Variants in DLC1 observed in about 807,000 individuals in gnomAD.
DLC1 encodes the protein DLC1 Rho GTPase activating protein.
In DLC1, 54 loss-of-function variants were observed where a neutral mutation model predicts 140.3. The observed-to-expected ratio is 0.38, with a 90% CI of 0.31 to 0.48. The LOEUF (loss-of-function observed/expected upper bound fraction) is 0.48. DLC1 is among the 20% of genes least tolerant of loss of function. The pLI is 0.96. For synonymous variants in DLC1, 986 were observed against 728.1 expected, an observed-to-expected ratio of 1.35 and a Z score of -5.70; for missense variants, 2,536 against 1,907.0, an observed-to-expected ratio of 1.33 and a Z score of -6.14.
At chr8:13,347,809 C>T (rs1015177353) in intron 4 of DLC1, among the ~76,000 whole-genome samples, 7 of 152,150 alleles carry the variant, frequency 4.6e-5, no homozygotes, top group Non-Finnish European at 2.9e-5. Flanking sequence ...GGCCCTTAAT[C>T]TTCCAGGGAA....
At chr8:13,156,128 G>A (rs906749704) in intron 5 of DLC1, among the ~76,000 whole-genome samples, 2 of 152,108 alleles carry the variant, frequency 1.3e-5, no homozygotes, top group Admixed American at 6.6e-5. Flanking sequence ...CAGTATTCAA[G>A]ATTAATAATC....
rs552500356 is a variant in DLC1, at chr8:13,371,852, A to G, written c.1314+21701T>C. Among the ~76,000 whole-genome samples, 6 of 152,252 alleles carry G rather than the reference A, an allele frequency of 3.9e-5. No individual in the cohort carries two copies. In the East Asian group the frequency reaches 1.2e-3, roughly 29 times the overall value. On this transcript the variant is annotated intron_variant, in intron 4 of 17. Coordinates refer to ENST00000276297, the MANE Select transcript of DLC1 (RefSeq NM_182643.3). ...GCACAATGCATGGCACACAGTAGGC[A>G]CTCACTCAATAATTATTGAATGAGT...
intron 14 of DLC1, 91 bp from the exon 15 acceptor site, chr8:13,090,561 G>C (rs1226797440): frequency 3.4e-6 from 5 of 1,459,300 alleles, no homozygotes; most frequent in African/African-American, 2.8e-5. Flanking sequence ...AGGAACAATG[G>C]CCTGGTCCTT....
chr8:13,105,468 A>T (rs372362358), intron 7 of DLC1, among the ~76,000 whole-genome samples: 3 of 152,102 alleles, frequency 2.0e-5, no homozygotes, highest in African/African-American at 7.3e-5. Context: ...AGATATTATG[A>T]TTAACCTAGA....
intron 5 of DLC1, among the ~76,000 whole-genome samples, chr8:13,188,536 C>A (rs1826523724): frequency 6.8e-6 from 1 of 146,266 alleles, no homozygotes; most frequent in South Asian, 2.2e-4. Flanking sequence ...ATTTCTTAGG[C>A]TGGATGGTGA....
At chr8:13,277,098 A>G (rs1039299571) in intron 5 of DLC1, among the ~76,000 whole-genome samples, 4 of 152,110 alleles carry the variant, frequency 2.6e-5, no homozygotes, top group African/African-American at 9.7e-5. Context: ...AGGCTGGAGG[A>G]TCACTTGAGG....
At position 13,084,363 on chromosome 8, in the gene DLC1, TAAC is replaced by T. The variant is rs943626024; in HGVS notation, c.*1445_*1447del. 3 of 152,554 alleles carry T rather than the reference TAAC, an allele frequency of 2.0e-5. No homozygotes were observed. Among genetic ancestry groups the T allele is most frequent in the Admixed American group, 1.3e-4 (2 of 15,272 alleles). 9.5% of individuals were successfully genotyped at this position (152,554 alleles called of 1,614,324 possible). ...AACACTGAAAATGGTAACTAAATTA[TAAC>T]AAAATAAAAATCCTTCTTACAGCTC... On this transcript the variant is annotated 3_prime_UTR_variant, in exon 18 of 18. Transcript: ENST00000276297.
At chr8:13,308,647 T>C (rs375844378) in intron 4 of DLC1, among the ~76,000 whole-genome samples, 1 of 152,228 alleles carries the variant, frequency 6.6e-6, no homozygotes, top group South Asian at 2.1e-4. Context: ...AGCAAAGTTT[T>C]CTTCTTTGTG....
intron 4 of DLC1, among the ~76,000 whole-genome samples, chr8:13,366,844 A>C (rs1296992167): frequency 6.6e-6 from 1 of 151,974 alleles, no homozygotes; most frequent in East Asian, 1.9e-4. Flanking sequence ...CTTTCCCATC[A>C]GTCATTCTCC....
intron 2 of DLC1, among the ~76,000 whole-genome samples, chr8:13,490,053 C>G (rs539440255): frequency 6.6e-6 from 1 of 150,838 alleles, no homozygotes; most frequent in African/African-American, 2.4e-5. Context: ...TTAAATACAC[C>G]CCCCACTTTA....
Position 13,310,398 on chromosome 8 carries a change from A to G in DLC1, c.1315-5096T>C, listed in dbSNP as rs146509098. ...TAAAACATTCACTTTTCTTCCCACA[A>G]AAATTTGTTCCACAAAAAAAAATTG... On this transcript the variant is annotated intron_variant, in intron 4 of 17. Transcript: ENST00000276297. Among the ~76,000 whole-genome samples the G allele has an allele frequency of 9.2e-4, 140 of 152,368 alleles. 3 individuals carry two copies. The East Asian group carries it at 0.024, about 27-fold the overall frequency.
At chr8:13,188,080 A>ATTTTTT (rs34182663) in intron 5 of DLC1, among the ~76,000 whole-genome samples, 1 of 119,172 alleles carries the variant, frequency 8.4e-6, no homozygotes. Context: ...AACAGTGGCA[A>ATTTTTT]TTTTTTTTTT....
chr8:13,411,378 G>A (rs1384493403), intron 2 of DLC1, among the ~76,000 whole-genome samples: 1 of 152,298 alleles, frequency 6.6e-6, no homozygotes, highest in Non-Finnish European at 1.5e-5. Context: ...GAGAGGGTAA[G>A]AAGGCTACCA....
intron 5 of DLC1, among the ~76,000 whole-genome samples, chr8:13,202,986 T>A (rs1211695705): frequency 6.6e-6 from 1 of 152,190 alleles, no homozygotes; most frequent in Non-Finnish European, 1.5e-5. Context: ...GTAACACATC[T>A]TATTTCCTTT....
At chr8:13,119,690 AC>A (rs964903463) in intron 5 of DLC1, among the ~76,000 whole-genome samples, 1 of 152,148 alleles carries the variant, frequency 6.6e-6, no homozygotes, top group Non-Finnish European at 1.5e-5. Context: ...GGTGGCTCAC[AC>A]CTGTAACCCC....
At chr8:13,146,808 T>A (rs1415692937) in intron 5 of DLC1, among the ~76,000 whole-genome samples, 1 of 152,206 alleles carries the variant, frequency 6.6e-6, no homozygotes, top group African/African-American at 2.4e-5. Context: ...ACCAGGAAAT[T>A]TAATTTAGAA....
At chr8:13,184,783 G>A (rs1826249336) in intron 5 of DLC1, among the ~76,000 whole-genome samples, 1 of 152,186 alleles carries the variant, frequency 6.6e-6, no homozygotes, top group Non-Finnish European at 1.5e-5. Context: ...TCTTGATTTG[G>A]GGTGGAGAGT....
At chr8:13,193,755 A>C (rs1826894584) in intron 5 of DLC1, among the ~76,000 whole-genome samples, 1 of 152,200 alleles carries the variant, frequency 6.6e-6, no homozygotes, top group African/African-American at 2.4e-5. Flanking sequence ...ATCCCTTCTG[A>C]AATTGCTGAA....
At chr8:13,362,948 C>G (rs1323358332) in intron 4 of DLC1, among the ~76,000 whole-genome samples, 4 of 152,188 alleles carry the variant, frequency 2.6e-5, no homozygotes, top group Non-Finnish European at 5.9e-5. Context: ...CTCCCCACAT[C>G]TCTGTTTTCT....
Sources: allele counts gnomAD v4.1 joint callset (sites outside exome capture counted in the v4.1 genomes callset), GRCh38; gene constraint gnomAD v4.1.1; transcripts MANE v1.5; gene names NCBI Gene and HGNC (gene_info 2026-07-23, HGNC 2026-07-21).